The following RANBP2 variants were observed in gnomAD, a reference collection of about 807,000 sequenced individuals.
The protein encoded by RANBP2 is E3 SUMO-protein ligase RanBP2.
In RANBP2, 57 loss-of-function variants were observed where a neutral mutation model predicts 303.6. That is an observed-to-expected ratio of 0.19 (90% CI 0.15 to 0.23). RANBP2 has a LOEUF of 0.23. Ranked by LOEUF, RANBP2 falls within the 10% of genes least tolerant of loss-of-function variation. The pLI is 1.00. For missense variants in RANBP2, 3,138 were observed against 3,780.8 expected (o/e 0.83, Z 4.46); for synonymous variants, 1,167 against 1,301.5 (o/e 0.90, Z 2.23).
the RANBP2 span, among the ~76,000 whole-genome samples, chr2:109,040,659 A>C: frequency 6.8e-3 from 1,036 of 152,308 alleles, 6 homozygotes; most frequent in East Asian, 0.035. Context: ...TTCTGTCTGG[A>C]AGTCTCACAC....
the RANBP2 span, among the ~76,000 whole-genome samples, chr2:109,538,832 T>C: frequency 6.6e-6 from 1 of 152,376 alleles, no homozygotes; most frequent in East Asian, 1.9e-4. Context: ...ATTGTCTTTG[T>C]TATGAGATTT....
the RANBP2 span, chr2:109,449,157 AC>A: frequency 3.1e-6 from 5 of 1,611,482 alleles, no homozygotes; most frequent in Non-Finnish European, 4.2e-6. Context: ...TGTCTCTCCA[AC>A]CCCGTCTCCA....
At chr2:108,776,088 GA>G (rs1196752171) in intron 24 of RANBP2, 152 bp downstream of exon 24, 1 of 647,118 alleles carries the variant, frequency 1.5e-6, no homozygotes, top group Middle Eastern at 4.2e-4. Context: ...ATAATAACCA[GA>G]AAAATTATAC....
the RANBP2 span, among the ~76,000 whole-genome samples, chr2:109,324,817 G>A: frequency 6.6e-6 from 1 of 152,164 alleles, no homozygotes; most frequent in Non-Finnish European, 1.5e-5. Context: ...GTAACTCCAA[G>A]GACAGTACTC....
At chr2:108,888,549 A>AT in the RANBP2 span, among the ~76,000 whole-genome samples, 3 of 151,642 alleles carry the variant, frequency 2.0e-5, no homozygotes, top group Non-Finnish European at 4.4e-5. Flanking sequence ...GGTAGGTTTT[A>AT]TGTTTCTGGG....
At chr2:109,424,879 C>A in the RANBP2 span, among the ~76,000 whole-genome samples, 2 of 152,306 alleles carry the variant, frequency 1.3e-5, no homozygotes, top group African/African-American at 4.8e-5. Context: ...TAGAGTCGAA[C>A]ATCTCTCACT....
the RANBP2 span, among the ~76,000 whole-genome samples, chr2:109,239,774 A>T: frequency 6.6e-6 from 1 of 152,204 alleles, no homozygotes; most frequent in Non-Finnish European, 1.5e-5. Flanking sequence ...CTGCTGTGGG[A>T]GTCCCTTGTC....
chr2:109,511,805 A>G, the RANBP2 span, among the ~76,000 whole-genome samples: 3 of 152,016 alleles, frequency 2.0e-5, no homozygotes, highest in African/African-American at 4.8e-5. Context: ...CATGCCCCCA[A>G]ATAAGGAATG....
At chr2:109,494,489 G>A in the RANBP2 span, among the ~76,000 whole-genome samples, 1 of 134,896 alleles carries the variant, frequency 7.4e-6, no homozygotes, top group African/African-American at 2.6e-5. Context: ...CTGACTCCTC[G>A]GGCTGGGACA....
chr2:109,350,484 G>T, the RANBP2 span, among the ~76,000 whole-genome samples: 1 of 152,344 alleles, frequency 6.6e-6, no homozygotes, highest in Non-Finnish European at 1.5e-5. Flanking sequence ...CGACCTTCCT[G>T]CCATGCTCCT....
chr2:108,783,439 C>T (rs894292793), intron 28 of RANBP2, among the ~76,000 whole-genome samples, 157 bp from the exon 29 acceptor site: 2 of 145,138 alleles, frequency 1.4e-5, no homozygotes, highest in Non-Finnish European at 3.0e-5. Context: ...TTCTTTCCAA[C>T]AATATGAATT....
the RANBP2 span, chr2:108,794,537 C>T: frequency 1.3e-6 from 2 of 1,591,334 alleles, no homozygotes; most frequent in Non-Finnish European, 8.6e-7. Context: ...ATTTTCTTTG[C>T]AGTTGCCTTG....
At chr2:109,258,002 A>C in the RANBP2 span, among the ~76,000 whole-genome samples, 34 of 118,676 alleles carry the variant, frequency 2.9e-4, no homozygotes, top group African/African-American at 1.1e-3. Flanking sequence ...ATGTGCACAC[A>C]CATACCCACA....
At chr2:109,009,682 C>T in the RANBP2 span, among the ~76,000 whole-genome samples, 3 of 150,368 alleles carry the variant, frequency 2.0e-5, no homozygotes, top group South Asian at 2.1e-4. Context: ...TGTACCACTA[C>T]GCCTGGCTGA....
the RANBP2 span, among the ~76,000 whole-genome samples, chr2:109,001,377 T>C: frequency 8.5e-5 from 13 of 152,160 alleles, no homozygotes; most frequent in Non-Finnish European, 1.6e-4. Flanking sequence ...GCAGGGCAGC[T>C]TTCACACAAG....
At chr2:109,721,882 G>A in the RANBP2 span, among the ~76,000 whole-genome samples, 2 of 152,278 alleles carry the variant, frequency 1.3e-5, no homozygotes, top group African/African-American at 2.4e-5. Flanking sequence ...CGTGGGCCAC[G>A]CCTCTCTAGG....
chr2:108,743,865 A>G (rs1696306567), intron 7 of RANBP2, among the ~76,000 whole-genome samples: 1 of 152,258 alleles, frequency 6.6e-6, no homozygotes, highest in Non-Finnish European at 1.5e-5. Flanking sequence ...ATTTCTGTAG[A>G]ATGAATATAT....
Position 108,783,617 on chromosome 2 carries a change from G to A in RANBP2, c.9391G>A (p.Asp3131Asn), listed in dbSNP as rs1678412938. ...VCQGGDITKH[D>N]GTGGQSIYGD... ...TCAGGGAGGAGATATCACCAAACAT[G>A]ATGGAACAGGCGGACAGTCCATTTA... Residue 3131 changes from aspartate to asparagine, a missense_variant, in exon 29 of 29, where the codon GAT (aspartate) becomes AAT (asparagine). This residue lies in a region of RANBP2 where 204 missense variants were observed against 228.4 expected (regional missense o/e 0.89). Coordinates refer to ENST00000283195, the MANE Select transcript of RANBP2 (RefSeq NM_006267.5). The A allele has an allele frequency of 1.2e-6, 2 of 1,611,746 alleles. No homozygotes were observed. The highest frequency in any genetic ancestry group is 1.7e-5 in the Admixed American group (1 of 59,958).
the RANBP2 span, among the ~76,000 whole-genome samples, chr2:109,250,333 T>C: frequency 1.3e-5 from 2 of 152,098 alleles, no homozygotes; most frequent in African/African-American, 4.8e-5. Flanking sequence ...TTTCTAAACA[T>C]GCACAAGCTA....
Sources: gnomAD v4.1 joint callset for allele counts (sites outside exome capture counted in the v4.1 genomes callset) on GRCh38, gnomAD v4.1.1 for gene constraint, gnomAD v4.1.1 regional missense constraint, MANE v1.5 for transcripts, NCBI Gene and HGNC (gene_info 2026-07-23, HGNC 2026-07-21) for gene names.